Variants in SLC12A6 observed in about 807,000 individuals in gnomAD.
The protein encoded by SLC12A6 is K-Cl cotransporter 3.
In SLC12A6, 66 loss-of-function variants were observed where a neutral mutation model predicts 135.3. That is an observed-to-expected ratio of 0.49 (90% confidence interval 0.40 to 0.60). The LOEUF (loss-of-function observed/expected upper bound fraction) is 0.60. Ranked by LOEUF, SLC12A6 falls within the 20% of genes least tolerant of loss-of-function variation. The pLI is 0.00. For synonymous variants in SLC12A6, 513 were observed against 508.8 expected (o/e 1.01, Z -0.11); for missense variants, 1,058 against 1,452.3 (o/e 0.73, Z 4.41).
At chr15:34,313,818 T>C (rs552641248) in intron 2 of SLC12A6, among the ~76,000 whole-genome samples, 12 of 151,938 alleles carry the variant, frequency 7.9e-5, no homozygotes, top group Non-Finnish European at 1.6e-4. Context: ...TTAAGGACTA[T>C]ACAACAAGCC....
In SLC12A6 at chr15:34,248,464, A is replaced by G. The variant is rs78140673; in HGVS notation, c.1649+1834T>C. ...TGATACTCTAATTTACACTCTCAAT[A>G]ATAATTTTTATATCATGGTGTAACT... is the stretch of plus-strand genomic sequence containing the variant. On this transcript the variant is annotated intron_variant, in intron 13 of 25. Transcript: ENST00000354181. Among the ~76,000 whole-genome samples, 662 of 152,090 alleles carry G rather than the reference A, an allele frequency of 4.4e-3. 14 individuals carry two copies. The highest frequency in any genetic ancestry group is 0.015 in the African/African-American group (628 of 41,460).
At chr15:34,268,553 G>C (rs1438436340) in intron 3 of SLC12A6, among the ~76,000 whole-genome samples, 1 of 152,138 alleles carries the variant, frequency 6.6e-6, no homozygotes, top group Admixed American at 6.5e-5. Flanking sequence ...TATATTGAAA[G>C]GCAAGGATTA....
At chr15:34,271,693 T>C (rs1409012512) in intron 3 of SLC12A6, among the ~76,000 whole-genome samples, 1 of 152,018 alleles carries the variant, frequency 6.6e-6, no homozygotes, top group African/African-American at 2.4e-5. Flanking sequence ...CCCTCCCGTA[T>C]ATCTCCTCAG....
At chr15:34,312,876 A>G (rs1219158577) in intron 2 of SLC12A6, among the ~76,000 whole-genome samples, 1 of 152,198 alleles carries the variant, frequency 6.6e-6, no homozygotes, top group Non-Finnish European at 1.5e-5. Flanking sequence ...ATACTTGTTT[A>G]TGATGATCTG....
chr15:34,290,707 T>C (rs1231726073), intron 2 of SLC12A6, among the ~76,000 whole-genome samples: 2 of 152,220 alleles, frequency 1.3e-5, no homozygotes, highest in Non-Finnish European at 2.9e-5. Context: ...TCTTGTTGAA[T>C]TGATTCCTTT....
chr15:34,301,891 T>C (rs1318282485), intron 2 of SLC12A6, among the ~76,000 whole-genome samples: 1 of 152,242 alleles, frequency 6.6e-6, no homozygotes, highest in Non-Finnish European at 1.5e-5. Context: ...ACAGAGGCTC[T>C]TAAGCAAACC....
intron 2 of SLC12A6, among the ~76,000 whole-genome samples, chr15:34,312,036 T>C (rs1888295532): frequency 6.6e-6 from 1 of 152,226 alleles, no homozygotes; most frequent in African/African-American, 2.4e-5. Flanking sequence ...ATGTATTAAG[T>C]GCTTTATAGA....
chr15:34,245,146 A>G (rs1891895188), intron 15 of SLC12A6, 139 bp downstream of exon 15: 1 of 699,882 alleles, frequency 1.4e-6, no homozygotes, highest in Non-Finnish European at 2.6e-6. Flanking sequence ...GGAAGTTCTC[A>G]GGAATGATTT....
intron 10 of SLC12A6, 38 bp from the exon 11 acceptor site, chr15:34,251,095 A>AT: frequency 4.1e-6 from 5 of 1,229,804 alleles, no homozygotes; most frequent in Non-Finnish European, 5.6e-6. Context: ...CAGCAGCAGT[A>AT]TGAAAAAAAA....
chr15:34,287,149 C>A (rs376510690), intron 2 of SLC12A6, among the ~76,000 whole-genome samples: 15 of 152,258 alleles, frequency 9.9e-5, no homozygotes, highest in African/African-American at 3.6e-4. Context: ...CCTACCCCCC[C>A]GGGCTCTGGT....
At chr15:34,300,621 C>T (rs1039404614) in intron 2 of SLC12A6, among the ~76,000 whole-genome samples, 1 of 151,738 alleles carries the variant, frequency 6.6e-6, no homozygotes, top group African/African-American at 2.4e-5. Flanking sequence ...ACTCTGTCTC[C>T]ACACACACCC....
chr15:34,303,195 G>C (rs1231063420), intron 2 of SLC12A6, among the ~76,000 whole-genome samples: 3 of 152,024 alleles, frequency 2.0e-5, no homozygotes, highest in African/African-American at 4.8e-5. Context: ...AGACTACTGT[G>C]AACATTTCCA....
intron 3 of SLC12A6, among the ~76,000 whole-genome samples, chr15:34,261,642 G>GAT (rs1383663415): frequency 1.7e-4 from 26 of 152,270 alleles, no homozygotes. Flanking sequence ...AGGAAAAAAA[G>GAT]ATATTGAGTA....
In SLC12A6 at chr15:34,256,233, C is replaced by T. The variant is rs756357775; in HGVS notation, c.741G>A (p.Val247=). 1 of 1,596,104 alleles carries T rather than the reference C, an allele frequency of 6.3e-7. No individual in the cohort carries two copies. Among genetic ancestry groups the T allele is most frequent in the Admixed American group, 1.7e-5 (1 of 59,986 alleles). ...SMSAIATNGV[V]PAGGSYFMIS... Reference sequence around the variant, plus strand: ...ATACAACCTTGACCTACTAACCTGGCACCACTCCATTAGTGGCAATGGCAC... The same window carrying T: ...ATACAACCTTGACCTACTAACCTGGTACCACTCCATTAGTGGCAATGGCAC... The change falls in exon 7 of 26, where the codon GTG becomes GTA. Residue 247 remains valine (V), a synonymous_variant. Transcript: ENST00000354181.
chr15:34,248,457 T>A (rs570982194), intron 13 of SLC12A6, among the ~76,000 whole-genome samples: 4 of 152,044 alleles, frequency 2.6e-5, no homozygotes, highest in African/African-American at 9.6e-5. Flanking sequence ...TAATTTACAC[T>A]CTCAATAATA....
chr15:34,251,973 G>A (rs1892421677), intron 10 of SLC12A6, among the ~76,000 whole-genome samples, 197 bp downstream of exon 10: 2 of 152,206 alleles, frequency 1.3e-5, no homozygotes, highest in Admixed American at 1.3e-4. Flanking sequence ...ACATCACTCT[G>A]TAAAGGAGTA....
rs963647251 is a variant in SLC12A6 at position 34,267,493 on chromosome 15, T to C, written c.317-6473A>G. Among the ~76,000 whole-genome samples, 23 of 152,186 alleles carry C rather than the reference T, an allele frequency of 1.5e-4. 1 individual carries two copies. Among genetic ancestry groups the C allele is most frequent in the Non-Finnish European group, 2.9e-5 (2 of 68,034 alleles). On this transcript the variant is annotated intron_variant, in intron 3 of 25. Coordinates refer to ENST00000354181, the MANE Select transcript of SLC12A6 (RefSeq NM_001365088.1). The stretch of plus-strand genomic sequence containing the variant: ...GGACTGTCCTGTGCACTGTAGAATA[T>C]TTAAGAGCATCCCTGGCCTCTACTC...
At chr15:34,251,094 T>C in intron 10 of SLC12A6, 37 bp from the exon 11 acceptor site, 3 of 1,305,324 alleles carry the variant, frequency 2.3e-6, no homozygotes, top group African/African-American at 5.4e-5. Context: ...GCAGCAGCAG[T>C]ATGAAAAAAA....
intron 2 of SLC12A6, among the ~76,000 whole-genome samples, chr15:34,322,569 A>C (rs1889171816): frequency 6.6e-6 from 1 of 152,168 alleles, no homozygotes; most frequent in Non-Finnish European, 1.5e-5. Context: ...ATACAATAGG[A>C]TAGATGGACA....
Sources: allele counts gnomAD v4.1 joint callset (sites outside exome capture counted in the v4.1 genomes callset), GRCh38; gene constraint gnomAD v4.1.1; transcripts MANE v1.5; gene names NCBI Gene and HGNC (gene_info 2026-07-23, HGNC 2026-07-21).